Variants in IL1RAPL2 observed in about 807,000 individuals in gnomAD.
The protein encoded by IL1RAPL2 is interleukin 1 receptor accessory protein like 2.
In IL1RAPL2, 3 loss-of-function variants were observed where a neutral mutation model predicts 44.1. The observed-to-expected ratio is 0.07, with a 90% CI of 0.03 to 0.18. The LOEUF is 0.18. Ranked by LOEUF, IL1RAPL2 falls within the 10% of genes least tolerant of loss-of-function variation. The pLI is 1.00. For synonymous variants in IL1RAPL2, 181 were observed against 178.8 expected (o/e 1.01, Z -0.10); for missense variants, 391 against 496.4 (o/e 0.79, Z 2.02).
intron 5 of IL1RAPL2, among the ~76,000 whole-genome samples, chrX:105,312,740 A>G (rs778962040): frequency 9.0e-6 from 1 of 111,364 alleles, no homozygotes; most frequent in South Asian, 3.8e-4. Flanking sequence ...TGGTGAGAAC[A>G]CTTAAAATCT....
At chrX:105,666,688 G>A (rs750557100) in intron 6 of IL1RAPL2, among the ~76,000 whole-genome samples, 4 of 111,947 alleles carry the variant, frequency 3.6e-5, no homozygotes, top group South Asian at 7.5e-4. Context: ...ATTCTCAGAA[G>A]GCAGTATGCC....
At chrX:105,162,181 G>A (rs1260299955) in intron 2 of IL1RAPL2, among the ~76,000 whole-genome samples, 2 of 111,951 alleles carry the variant, frequency 1.8e-5, no homozygotes, top group Non-Finnish European at 3.8e-5. Context: ...TAAGTAGGTT[G>A]CATAGCTCCT....
At chrX:105,137,581 T>G in intron 2 of IL1RAPL2, among the ~76,000 whole-genome samples, 1 of 112,488 alleles carries the variant, frequency 8.9e-6, no homozygotes, top group Middle Eastern at 4.6e-3. Flanking sequence ...TCTGTAATGC[T>G]TTCCACTGGA....
At chrX:105,063,471 G>C (rs896773904) in intron 2 of IL1RAPL2, among the ~76,000 whole-genome samples, 2 of 111,792 alleles carry the variant, frequency 1.8e-5, no homozygotes, top group African/African-American at 6.5e-5. Flanking sequence ...GAATGCTTGT[G>C]CTCACATAAT....
chrX:105,678,258 G>GATGTT (rs2147520995), intron 6 of IL1RAPL2, among the ~76,000 whole-genome samples: 1 of 112,384 alleles, frequency 8.9e-6, no homozygotes, highest in Admixed American at 9.4e-5. Flanking sequence ...GGGTACATTA[G>GATGTT]ATGTTTTGAT....
At chrX:105,137,699 A>G (rs1449383727) in intron 2 of IL1RAPL2, among the ~76,000 whole-genome samples, 1 of 112,078 alleles carries the variant, frequency 8.9e-6, no homozygotes, top group Non-Finnish European at 1.9e-5. Flanking sequence ...AGACACCTAA[A>G]TGACTTAATT....
At chrX:104,822,618 T>G (rs1361375754) in intron 2 of IL1RAPL2, among the ~76,000 whole-genome samples, 2 of 112,135 alleles carry the variant, frequency 1.8e-5, no homozygotes, top group Admixed American at 1.9e-4. Context: ...TATATCTGTT[T>G]TGGTACAAGT....
At chrX:104,788,763 C>T (rs1304628349) in intron 2 of IL1RAPL2, among the ~76,000 whole-genome samples, 1 of 111,603 alleles carries the variant, frequency 9.0e-6, no homozygotes, top group East Asian at 2.8e-4. Flanking sequence ...AAAAGGCATG[C>T]ACATGAACCA....
At chrX:104,863,693 G>A (rs1200495769) in intron 2 of IL1RAPL2, among the ~76,000 whole-genome samples, 2 of 112,096 alleles carry the variant, frequency 1.8e-5, no homozygotes, top group Non-Finnish European at 3.8e-5. Flanking sequence ...GTAAAGAATG[G>A]TTGACTTTTG....
At position 105,008,152 on chromosome X, in the gene IL1RAPL2, A is replaced by T. The variant is rs1032585217; in HGVS notation, c.83-187323A>T. Among the ~76,000 whole-genome samples, 4 of 111,087 alleles carry T rather than the reference A, an allele frequency of 3.6e-5. No individual in the cohort carries two copies. In the Admixed American group the frequency reaches 3.8e-4, roughly 11 times the overall value. ...ATAATGTTGGCATCTAGTGAGGATC[A>T]TCCTATAGCAGAAGGTGGAAGGGTG... On this transcript the variant is annotated intron_variant, in intron 2 of 10. Transcript: ENST00000372582.
intron 5 of IL1RAPL2, among the ~76,000 whole-genome samples, chrX:105,401,220 C>A (rs969782174): frequency 9.0e-6 from 1 of 111,202 alleles, no homozygotes; most frequent in Non-Finnish European, 1.9e-5. Context: ...AGGGGCTGAA[C>A]ATTCAAAATA....
chrX:104,797,199 C>CCCG (rs1330682649), intron 2 of IL1RAPL2, among the ~76,000 whole-genome samples: 1 of 45,407 alleles, frequency 2.2e-5, no homozygotes, highest in Non-Finnish European at 4.1e-5. Flanking sequence ...CCCCCCCCCC[C>CCCG]CCGCAAAGTA....
chrX:105,336,794 C>T (rs944460026), intron 5 of IL1RAPL2, among the ~76,000 whole-genome samples: 1 of 112,087 alleles, frequency 8.9e-6, no homozygotes. Context: ...TCTGCCTAAT[C>T]GCCAACTCCA....
At chrX:105,118,943 G>A (rs1409916030) in intron 2 of IL1RAPL2, among the ~76,000 whole-genome samples, 2 of 111,982 alleles carry the variant, frequency 1.8e-5, no homozygotes, top group South Asian at 3.7e-4. Context: ...GGTTTTGTAG[G>A]TAAGTTACTG....
intron 3 of IL1RAPL2, among the ~76,000 whole-genome samples, chrX:105,233,271 G>A (rs994442932): frequency 4.5e-5 from 5 of 111,636 alleles, no homozygotes; most frequent in Admixed American, 9.5e-5. Flanking sequence ...GCGACAGAGC[G>A]AGGCGCCGTC....
intron 6 of IL1RAPL2, among the ~76,000 whole-genome samples, chrX:105,570,521 A>T (rs2037007059): frequency 8.9e-6 from 1 of 112,116 alleles, no homozygotes; most frequent in African/African-American, 3.2e-5. Context: ...AGGAATCTCC[A>T]TACTGTTTTC....
At chrX:105,182,024 G>A (rs928720046) in intron 2 of IL1RAPL2, among the ~76,000 whole-genome samples, 91 of 103,290 alleles carry the variant, frequency 8.8e-4, no homozygotes, top group African/African-American at 3.2e-3. Context: ...CCAAGATTGC[G>A]CCACTGCACT....
chrX:104,987,465 C>G (rs948277062), intron 2 of IL1RAPL2, among the ~76,000 whole-genome samples: 4 of 108,376 alleles, frequency 3.7e-5, no homozygotes, highest in Non-Finnish European at 5.7e-5. Context: ...ACATTTAGGG[C>G]TTAAAACAAT....
chrX:104,645,725 C>A (rs1475012473), intron 1 of IL1RAPL2, among the ~76,000 whole-genome samples: 1 of 112,652 alleles, frequency 8.9e-6, no homozygotes, highest in Non-Finnish European at 1.9e-5. Flanking sequence ...CAATACCTAT[C>A]ATGTTCCCAT....
Sources: gnomAD v4.1 joint callset for allele counts (sites outside exome capture counted in the v4.1 genomes callset) on GRCh38, gnomAD v4.1.1 for gene constraint, MANE v1.5 for transcripts, NCBI Gene and HGNC (gene_info 2026-07-23, HGNC 2026-07-21) for gene names.